COMMD1: variants seen among roughly 807,000 people sequenced by gnomAD.
COMMD1 encodes copper metabolism domain containing 1.
A neutral mutation model predicts 17.2 loss-of-function variants in COMMD1; 10 were observed. The observed-to-expected ratio is 0.58, with a 90% CI of 0.36 to 0.99. The LOEUF is 0.99. Ranked by LOEUF, COMMD1 falls within the 50% of genes least tolerant of loss-of-function variation. The probability of loss-of-function intolerance (pLI) is 0.01; values close to 1 mark genes in which losing one functional copy is unlikely to be tolerated. For missense variants in COMMD1, 270 were observed against 231.8 expected, an observed-to-expected ratio of 1.17 and a Z score of -1.07; for synonymous variants, 97 against 91.6, an observed-to-expected ratio of 1.06 and a Z score of -0.34.
chr2:61,963,132 C>T (rs1671404647), intron 1 of COMMD1, among the ~76,000 whole-genome samples: 2 of 148,698 alleles, frequency 1.3e-5, no homozygotes, highest in East Asian at 2.0e-4. Flanking sequence ...TGTGCTCTAG[C>T]CTGGGTGACA....
chr2:61,892,914 C>T (rs2105154498), intron 1 of COMMD1, among the ~76,000 whole-genome samples: 1 of 151,962 alleles, frequency 6.6e-6, no homozygotes, highest in East Asian at 1.9e-4. Context: ...GTCGCCCAGC[C>T]TGGAGTGCAG....
intron 2 of COMMD1, among the ~76,000 whole-genome samples, chr2:62,076,442 G>A (rs1264892856): frequency 6.6e-6 from 1 of 152,002 alleles, no homozygotes; most frequent in Admixed American, 6.6e-5. Context: ...AAGAGGTCAA[G>A]TTGAAAGAAC....
chr2:61,986,564 C>CTTT (rs70946773), intron 1 of COMMD1, among the ~76,000 whole-genome samples: 103 of 94,526 alleles, frequency 1.1e-3, no homozygotes, highest in African/African-American at 1.3e-3. Context: ...AGGCATCATT[C>CTTT]TTTTTTTTTT....
At chr2:61,905,636 C>T, upstream of COMMD1, 1 of 1,492,238 alleles carries the variant, frequency 6.7e-7, no homozygotes, top group Non-Finnish European at 9.0e-7. Context: ...GCCGCCGTGG[C>T]GGGGCACGGC....
intron 2 of COMMD1, among the ~76,000 whole-genome samples, chr2:62,134,919 CA>C (rs1673148386): frequency 6.6e-6 from 1 of 152,162 alleles, no homozygotes; most frequent in African/African-American, 2.4e-5. Flanking sequence ...GTTGTTATTT[CA>C]AGATCTGGTT....
At chr2:62,024,198 G>A (rs1253382953) in intron 2 of COMMD1, among the ~76,000 whole-genome samples, 1 of 152,024 alleles carries the variant, frequency 6.6e-6, no homozygotes, top group African/African-American at 2.4e-5. Flanking sequence ...GGTGTTCACG[G>A]TGATGATTTT....
intron 2 of COMMD1, among the ~76,000 whole-genome samples, chr2:62,048,956 A>G (rs536662486): frequency 6.6e-6 from 1 of 152,256 alleles, no homozygotes; most frequent in African/African-American, 2.4e-5. Context: ...TGATTTGGAT[A>G]TAGTGGTTAC....
intron 2 of COMMD1, among the ~76,000 whole-genome samples, chr2:62,047,271 A>G (rs1670407879): frequency 1.3e-5 from 2 of 152,166 alleles, no homozygotes; most frequent in African/African-American, 2.4e-5. Context: ...GCCTAGTGAC[A>G]TTGTAGCTGT....
intron 2 of COMMD1, among the ~76,000 whole-genome samples, chr2:62,037,647 A>C (rs11683622): frequency 0.047 from 7,165 of 152,280 alleles, 448 homozygotes; most frequent in African/African-American, 0.14. Context: ...TGTTACCCAG[A>C]AGTCTCAAAG....
chr2:61,947,809 C>T lies in COMMD1; in HGVS notation c.180+41951C>T, dbSNP rs543416815. On this transcript the variant is annotated intron_variant, in intron 1 of 2. Transcript: ENST00000311832. ...TCAGGCAATCCTCCCGCCTCAGCCT[C>T]CTGAGGTAGCTGGGCTTATAGGCAT... is the stretch of plus-strand genomic sequence containing the variant. Among the ~76,000 whole-genome samples, 14 of 150,424 alleles carry T rather than the reference C, an allele frequency of 9.3e-5. No homozygotes were observed. In the East Asian group the frequency reaches 2.4e-3, roughly 25 times the overall value.
intron 1 of COMMD1, among the ~76,000 whole-genome samples, chr2:61,923,380 A>T (rs1670245531): frequency 6.6e-6 from 1 of 152,162 alleles, no homozygotes; most frequent in Admixed American, 6.6e-5. Flanking sequence ...AGGGGAATAT[A>T]CAGATGAGGA....
upstream of COMMD1, among the ~76,000 whole-genome samples, chr2:61,903,142 C>A (rs1055725472): frequency 6.6e-6 from 1 of 152,024 alleles, no homozygotes; most frequent in East Asian, 1.9e-4. Context: ...TATATTTTTT[C>A]TATTGTAAAA....
chr2:62,037,551 A>G (rs1670074581), intron 2 of COMMD1, among the ~76,000 whole-genome samples: 1 of 152,198 alleles, frequency 6.6e-6, no homozygotes, highest in Admixed American at 6.5e-5. Context: ...AGTCTTATTC[A>G]TATTTGGATT....
At chr2:61,961,391 C>T (rs1028160093) in intron 1 of COMMD1, among the ~76,000 whole-genome samples, 12 of 152,092 alleles carry the variant, frequency 7.9e-5, no homozygotes, top group Non-Finnish European at 1.6e-4. Context: ...GGAAGATGCC[C>T]AGGGATAGTT....
intron 1 of COMMD1, among the ~76,000 whole-genome samples, chr2:61,998,330 G>C (rs1229500978): frequency 6.6e-6 from 1 of 150,904 alleles, no homozygotes; most frequent in Non-Finnish European, 1.5e-5. Context: ...TACTATCTTG[G>C]CTCACTGCAA....
At chr2:61,916,362 C>A (rs770030427) in intron 1 of COMMD1, among the ~76,000 whole-genome samples, 2 of 152,146 alleles carry the variant, frequency 1.3e-5, no homozygotes, top group Admixed American at 1.3e-4. Context: ...AGCCAACAGC[C>A]TTTTCTTTCT....
intron 1 of COMMD1, among the ~76,000 whole-genome samples, chr2:61,963,866 A>G (rs1328381050): frequency 6.6e-6 from 1 of 152,192 alleles, no homozygotes; most frequent in Admixed American, 6.5e-5. Flanking sequence ...AGTTTTCAGA[A>G]TAAGTCTCTT....
At chr2:62,047,046 A>G (rs922373638) in intron 2 of COMMD1, among the ~76,000 whole-genome samples, 11 of 151,992 alleles carry the variant, frequency 7.2e-5, no homozygotes, top group African/African-American at 2.7e-4. Flanking sequence ...TATTCAGGAG[A>G]GTTACGTGGT....
intron 2 of COMMD1, among the ~76,000 whole-genome samples, chr2:62,084,416 A>G (rs1259259098): frequency 6.6e-6 from 1 of 152,228 alleles, no homozygotes; most frequent in Non-Finnish European, 1.5e-5. Context: ...TAAGGAAGAT[A>G]AAATATATTT....
Sources: gnomAD v4.1 joint callset for allele counts (sites outside exome capture counted in the v4.1 genomes callset) on GRCh38, gnomAD v4.1.1 for gene constraint, MANE v1.5 for transcripts, NCBI Gene and HGNC (gene_info 2026-07-23, HGNC 2026-07-21) for gene names.